The following B3GALT1 variants were observed in gnomAD, a reference collection of about 807,000 sequenced individuals.
The protein encoded by B3GALT1 is beta-1,3-galactosyltransferase 1.
In B3GALT1, 10 loss-of-function variants were observed where a neutral mutation model predicts 23.2. The ratio of observed to expected loss-of-function variants is 0.43; its 90% CI spans 0.27 to 0.73. The LOEUF is 0.73. Ranked by LOEUF, B3GALT1 falls within the 30% of genes least tolerant of loss-of-function variation. The pLI is 0.21. For synonymous variants in B3GALT1, 156 were observed against 141.5 expected (o/e 1.10, Z -0.73); for missense variants, 299 against 405.4 (o/e 0.74, Z 2.25).
intron 1 of B3GALT1, among the ~76,000 whole-genome samples, chr2:167,445,573 G>A (rs1279530549): frequency 6.6e-6 from 1 of 152,162 alleles, no homozygotes; most frequent in Non-Finnish European, 1.5e-5. Flanking sequence ...TATATATTTA[G>A]AGTTGTTAGC....
In B3GALT1 at chr2:167,351,079, G is replaced by A. The variant is rs576197751; in HGVS notation, c.-511+57745G>A. On this transcript the variant is annotated intron_variant, in intron 1 of 4. Coordinates refer to ENST00000392690, the MANE Select transcript of B3GALT1 (RefSeq NM_020981.4). ...AGGTCAGGAGTTCGGGAGCAGTCTG[G>A]CCAACATGGTGAAACCCTGTCTCTA... 2.6e-5 allele frequency among the ~76,000 whole-genome samples: 4 copies of A among 152,192 alleles called. No homozygotes were observed. In the South Asian group the frequency reaches 6.2e-4, roughly 24 times the overall value.
At chr2:167,458,786 A>G (rs764675458) in intron 1 of B3GALT1, among the ~76,000 whole-genome samples, 12 of 152,150 alleles carry the variant, frequency 7.9e-5, no homozygotes, top group Non-Finnish European at 1.5e-4. Flanking sequence ...TCCTTTGCCT[A>G]TTTTTAAACC....
At chr2:167,647,492 A>T (rs1456026410) in intron 3 of B3GALT1, among the ~76,000 whole-genome samples, 1 of 152,210 alleles carries the variant, frequency 6.6e-6, no homozygotes, top group Non-Finnish European at 1.5e-5. Flanking sequence ...TGAAATAATG[A>T]TGCAATATGC....
intron 3 of B3GALT1, chr2:167,714,608 T>A: frequency 6.2e-7 from 1 of 1,613,718 alleles, no homozygotes; most frequent in African/African-American, 1.3e-5. Flanking sequence ...AGTTAATTTT[T>A]GTTTGTTGTG....
chr2:167,715,994 T>G, intron 3 of B3GALT1: 1 of 1,612,096 alleles, frequency 6.2e-7, no homozygotes, highest in Non-Finnish European at 8.5e-7. Context: ...CAGGTAGTGC[T>G]GCCACAATTC....
intron 1 of B3GALT1, among the ~76,000 whole-genome samples, chr2:167,392,657 TAATA>T (rs1698031668): frequency 6.6e-6 from 1 of 152,196 alleles, no homozygotes; most frequent in African/African-American, 2.4e-5. Context: ...ATTACTTGTC[TAATA>T]AATATTTTTA....
At chr2:167,654,811 T>G (rs1378644784) in intron 3 of B3GALT1, among the ~76,000 whole-genome samples, 1 of 151,834 alleles carries the variant, frequency 6.6e-6, no homozygotes, top group Non-Finnish European at 1.5e-5. Flanking sequence ...CTTTTTTTTT[T>G]TTTTCCACTT....
intron 4 of B3GALT1, among the ~76,000 whole-genome samples, chr2:167,825,633 A>G (rs1387514666): frequency 1.3e-5 from 2 of 152,038 alleles, no homozygotes; most frequent in African/African-American, 2.4e-5. Flanking sequence ...CACTTCTGAG[A>G]TAGGGATCGA....
At chr2:167,507,779 C>A (rs1699943641) in intron 2 of B3GALT1, among the ~76,000 whole-genome samples, 1 of 152,050 alleles carries the variant, frequency 6.6e-6, no homozygotes, top group African/African-American at 2.4e-5. Context: ...CATTGTAAGA[C>A]AAACCATAAT....
intron 4 of B3GALT1, among the ~76,000 whole-genome samples, chr2:167,822,852 C>G (rs1689137766): frequency 6.6e-6 from 1 of 152,216 alleles, no homozygotes; most frequent in Admixed American, 6.5e-5. Flanking sequence ...CAGCATCTCT[C>G]TGCATTGTAC....
chr2:167,705,096 A>G (rs1686948855), intron 3 of B3GALT1, among the ~76,000 whole-genome samples: 1 of 152,138 alleles, frequency 6.6e-6, no homozygotes, highest in Admixed American at 6.5e-5. Context: ...TTGACTCTCT[A>G]TGAGAACATG....
chr2:167,439,852 C>T (rs1698851127), intron 1 of B3GALT1, among the ~76,000 whole-genome samples: 1 of 151,374 alleles, frequency 6.6e-6, no homozygotes, highest in Non-Finnish European at 1.5e-5. Context: ...GTTTCAGCCT[C>T]AATGTGTTAA....
At chr2:167,559,031 C>T (rs1246501007) in intron 2 of B3GALT1, among the ~76,000 whole-genome samples, 1 of 152,212 alleles carries the variant, frequency 6.6e-6, no homozygotes, top group Non-Finnish European at 1.5e-5. Flanking sequence ...ACCCATGTCC[C>T]CTGAGCAGCC....
At chr2:167,294,472 G>A (rs1264860977) in intron 1 of B3GALT1, among the ~76,000 whole-genome samples, 2 of 152,242 alleles carry the variant, frequency 1.3e-5, no homozygotes, top group Non-Finnish European at 2.9e-5. Flanking sequence ...GCTGCAAATG[G>A]ATGGTGCTAC....
intron 3 of B3GALT1, among the ~76,000 whole-genome samples, chr2:167,700,614 C>T (rs912473378): frequency 3.9e-5 from 6 of 152,138 alleles, no homozygotes; most frequent in Non-Finnish European, 7.4e-5. Flanking sequence ...ATTAATGGAA[C>T]ACCCCTTTGC....
At chr2:167,827,539 C>G (rs1689254911) in intron 4 of B3GALT1, among the ~76,000 whole-genome samples, 1 of 152,198 alleles carries the variant, frequency 6.6e-6, no homozygotes, top group African/African-American at 2.4e-5. Flanking sequence ...CAGTAGTGAG[C>G]TAAGGAGCAG....
At chr2:167,454,859 A>G (rs1699145502) in intron 1 of B3GALT1, among the ~76,000 whole-genome samples, 1 of 152,140 alleles carries the variant, frequency 6.6e-6, no homozygotes, top group Non-Finnish European at 1.5e-5. Context: ...ACAAACATAT[A>G]TTGAATGCCT....
chr2:167,297,031 A>G (rs1168510736), intron 1 of B3GALT1, among the ~76,000 whole-genome samples: 1 of 152,146 alleles, frequency 6.6e-6, no homozygotes, highest in East Asian at 1.9e-4. Context: ...GAAGCTATGT[A>G]TGAGAACAAT....
chr2:167,539,644 C>G (rs551234999), intron 2 of B3GALT1, among the ~76,000 whole-genome samples: 1 of 152,214 alleles, frequency 6.6e-6, no homozygotes, highest in South Asian at 2.1e-4. Flanking sequence ...AGTAAAATCA[C>G]TTGCAGAGCT....
Sources: gnomAD v4.1 joint callset for allele counts (sites outside exome capture counted in the v4.1 genomes callset) on GRCh38, gnomAD v4.1.1 for gene constraint, MANE v1.5 for transcripts, NCBI Gene and HGNC (gene_info 2026-07-23, HGNC 2026-07-21) for gene names.